GALNTL5: variants seen among roughly 807,000 people sequenced by gnomAD.
GALNTL5 encodes the protein polypeptide N-acetylgalactosaminyltransferase like 5.
A neutral mutation model predicts 51.0 loss-of-function variants in GALNTL5; 44 were observed. That is an observed-to-expected ratio of 0.86 (90% confidence interval 0.68 to 1.11). The LOEUF is 1.11. Among genes scored for constraint, GALNTL5 ranks in the 50% least tolerant of loss-of-function variants. GALNTL5 has a pLI of 0.00. For missense variants in GALNTL5, 528 were observed against 531.8 expected (o/e 0.99, Z 0.07); for synonymous variants, 192 against 182.8 (o/e 1.05, Z -0.41).
At chr7:152,013,598 A>G (rs1427050396) in intron 7 of GALNTL5, among the ~76,000 whole-genome samples, 1 of 152,222 alleles carries the variant, frequency 6.6e-6, no homozygotes, top group Non-Finnish European at 1.5e-5. Context: ...TATGGCAAGT[A>G]TACTGTAAGA....
At chr7:151,982,831 G>C in intron 3 of GALNTL5, 155 bp from the exon 4 acceptor site, 1 of 1,494,640 alleles carries the variant, frequency 6.7e-7, no homozygotes, top group Non-Finnish European at 9.0e-7. Context: ...ATAAATTTTT[G>C]TGTTTTTAGA....
chr7:151,994,900 G>A (rs1181786328), intron 5 of GALNTL5: 2 of 152,164 alleles, frequency 1.3e-5, no homozygotes, highest in African/African-American at 2.4e-5. Context: ...GGGACTACAG[G>A]TGCCTACCAC....
intron 5 of GALNTL5, among the ~76,000 whole-genome samples, chr7:151,988,515 CTT>C (rs2081388887): frequency 6.6e-6 from 1 of 152,160 alleles, no homozygotes; most frequent in Admixed American, 6.5e-5. Flanking sequence ...ATTGGACTCT[CTT>C]TTTCCATGTT....
chr7:151,969,185 A>G (rs1016036294), intron 2 of GALNTL5, among the ~76,000 whole-genome samples: 1 of 152,164 alleles, frequency 6.6e-6, no homozygotes, highest in Non-Finnish European at 1.5e-5. Context: ...GGTGCTGTTC[A>G]ATTCATCCCA....
At position 151,967,292 on chromosome 7, in the gene GALNTL5, T is replaced by C; in HGVS notation, c.46T>C (p.Phe16Leu). The C allele has an allele frequency of 1.2e-6, 2 of 1,613,964 alleles. No individual in the cohort carries two copies. The highest frequency in any genetic ancestry group is 1.7e-6 in the Non-Finnish European group (2 of 1,179,828). The stretch of plus-strand genomic sequence containing the variant: ...AGGTTTATTCTATGGGTCCTTGACA[T>C]TTGGGATCTGGACAGCTCTGTTATT... ...IQGLFYGSLT[F>L]GIWTALLFIY... The change falls in exon 2 of 9, where the codon TTT becomes CTT. Residue 16 changes from phenylalanine (F) to leucine (L), a missense_variant. Phe to Leu is a conservative substitution (Grantham distance 22). Transcript: ENST00000392800.
intron 2 of GALNTL5, among the ~76,000 whole-genome samples, chr7:151,970,284 A>G (rs1480610549): frequency 6.6e-6 from 1 of 152,116 alleles, no homozygotes; most frequent in African/African-American, 2.4e-5. Context: ...ACCTATACTA[A>G]GCCACTTAGA....
At chr7:152,005,030 A>G (rs2081626506) in intron 6 of GALNTL5, among the ~76,000 whole-genome samples, 1 of 152,198 alleles carries the variant, frequency 6.6e-6, no homozygotes, top group South Asian at 2.1e-4. Flanking sequence ...AAATCTCTGT[A>G]TTGTTTTCCA....
rs946694855 is a variant in GALNTL5, at chr7:151,967,289, A to G, written c.43A>G (p.Thr15Ala). Reference protein sequence around the residue: ...IIQGLFYGSLTFGIWTALLFI... With the variant: ...IIQGLFYGSLAFGIWTALLFI... ...TCAAGGTTTATTCTATGGGTCCTTG[A>G]CATTTGGGATCTGGACAGCTCTGTT... The change falls in exon 2 of 9, where the codon ACA becomes GCA. Residue 15 changes from threonine (T) to alanine (A), a missense_variant. Physicochemically the swap from Thr to Ala is moderately conservative, Grantham distance 58. Coordinates refer to ENST00000392800, the MANE Select transcript of GALNTL5 (RefSeq NM_145292.4). 6 of 1,613,876 alleles carry G rather than the reference A, an allele frequency of 3.7e-6. No homozygotes were observed. In the African/African-American group the frequency reaches 6.7e-5, roughly 18 times the overall value.
At chr7:151,959,844 G>GCCTT (rs1217724207) in intron 1 of GALNTL5, among the ~76,000 whole-genome samples, 1 of 152,170 alleles carries the variant, frequency 6.6e-6, no homozygotes, top group Non-Finnish European at 1.5e-5. Flanking sequence ...AGGAGAGCTA[G>GCCTT]CCTTGTTGGG....
rs2081672932 is a variant in GALNTL5 at position 152,008,010 on chromosome 7, T to A, written c.1026+66T>A. On this transcript the variant is annotated intron_variant, in intron 7 of 8. Coordinates refer to ENST00000392800, the MANE Select transcript of GALNTL5 (RefSeq NM_145292.4). ...AACCTAACTTTGTCACATACAATGC[T>A]GTGGTAATTATGCTCAATTTTCCTA... 7 of 884,614 alleles carry A rather than the reference T, an allele frequency of 7.9e-6. No individual in the cohort carries two copies. In the South Asian group the frequency reaches 1.0e-4, roughly 13 times the overall value. The allele number at this position is 884,614 out of a possible 1,614,324, so 54.8% of individuals were successfully genotyped here.
At chr7:151,968,298 C>CA (rs889466012) in intron 2 of GALNTL5, among the ~76,000 whole-genome samples, 14 of 148,414 alleles carry the variant, frequency 9.4e-5, no homozygotes, top group East Asian at 3.9e-4. Context: ...GATGCTGCCT[C>CA]AAAAAAAAAT....
At chr7:151,971,616 C>T (rs553850076) in intron 3 of GALNTL5, among the ~76,000 whole-genome samples, 2 of 152,218 alleles carry the variant, frequency 1.3e-5, no homozygotes, top group South Asian at 4.2e-4. Flanking sequence ...ACTCTCTCAC[C>T]ATCCCAAACT....
At chr7:152,011,742 C>T (rs781531126) in intron 7 of GALNTL5, among the ~76,000 whole-genome samples, 18 of 152,232 alleles carry the variant, frequency 1.2e-4, no homozygotes, top group Non-Finnish European at 2.4e-4. Flanking sequence ...AGTCACTCAA[C>T]AGTCTCCTCC....
chr7:151,957,703 C>T (rs546616752), intron 1 of GALNTL5: 193 of 152,218 alleles, frequency 1.3e-3, no homozygotes, highest in African/African-American at 4.4e-3. Flanking sequence ...TGCTAAGTCT[C>T]TTTAATGCAC....
At chr7:151,971,805 T>C (rs2081147509) in intron 3 of GALNTL5, among the ~76,000 whole-genome samples, 1 of 151,816 alleles carries the variant, frequency 6.6e-6, no homozygotes, top group South Asian at 2.1e-4. Context: ...ATTTTAAAAG[T>C]AGCAGTTTCC....
chr7:151,968,213 C>T (rs1260826584), intron 2 of GALNTL5, among the ~76,000 whole-genome samples: 8 of 151,912 alleles, frequency 5.3e-5, no homozygotes, highest in African/African-American at 9.7e-5. Flanking sequence ...GTGGAAGGAT[C>T]GCTTGAGCCC....
chr7:152,011,253 T>G (rs1365216837), intron 7 of GALNTL5, among the ~76,000 whole-genome samples: 1 of 152,264 alleles, frequency 6.6e-6, no homozygotes, highest in Non-Finnish European at 1.5e-5. Flanking sequence ...CTCTGAATTT[T>G]TTTTCAGTTG....
chr7:151,991,293 A>T (rs1252619538), intron 5 of GALNTL5, among the ~76,000 whole-genome samples: 1 of 152,070 alleles, frequency 6.6e-6, no homozygotes, highest in South Asian at 2.1e-4. Context: ...GGGTTTCGCC[A>T]TGTTGGTCAG....
chr7:151,967,931 A>G (rs1351105841), intron 2 of GALNTL5, among the ~76,000 whole-genome samples: 1 of 152,140 alleles, frequency 6.6e-6, no homozygotes, highest in African/African-American at 2.4e-5. Flanking sequence ...TGATACACAT[A>G]TCTTTTTGGA....
Sources: allele counts gnomAD v4.1 joint callset (sites outside exome capture counted in the v4.1 genomes callset), GRCh38; gene constraint gnomAD v4.1.1; transcripts MANE v1.5; gene names NCBI Gene and HGNC (gene_info 2026-07-23, HGNC 2026-07-21).